SH3TC2: variants seen among roughly 807,000 people sequenced by gnomAD.
The protein encoded by SH3TC2 is SH3 domain and tetratricopeptide repeats 2, also known as SH3 domain and tetratricopeptide repeat-containing protein 2.
SH3TC2 carries 87 observed loss-of-function variants against 124.5 expected under a neutral mutation model. The observed-to-expected ratio is 0.70, with a 90% confidence interval of 0.59 to 0.84. The LOEUF (loss-of-function observed/expected upper bound fraction) is 0.84. Among genes scored for constraint, SH3TC2 ranks in the 40% least tolerant of loss-of-function variants. SH3TC2 has a pLI of 0.00. For synonymous variants in SH3TC2, 634 were observed against 628.5 expected, an observed-to-expected ratio of 1.01 and a Z score of -0.13; for missense variants, 1,536 against 1,566.4, an observed-to-expected ratio of 0.98 and a Z score of 0.33.
intron 9 of SH3TC2, 84 bp from the exon 10 acceptor site, chr5:149,028,802 G>C: frequency 7.1e-7 from 1 of 1,408,722 alleles, no homozygotes; most frequent in Admixed American, 1.7e-5. Flanking sequence ...CAGATCAGTG[G>C]CCTCTTAGGA....
chr5:149,031,918 G>A (rs1251794017), intron 8 of SH3TC2, among the ~76,000 whole-genome samples: 1 of 152,142 alleles, frequency 6.6e-6, no homozygotes, highest in Non-Finnish European at 1.5e-5. Flanking sequence ...TTGTCCAGTA[G>A]GTCAAAGTGG....
At chr5:149,014,976 C>T (rs1440184958) in intron 12 of SH3TC2, among the ~76,000 whole-genome samples, 1 of 152,142 alleles carries the variant, frequency 6.6e-6, no homozygotes, top group Non-Finnish European at 1.5e-5. Context: ...TGCCCTTGGG[C>T]TACTATAGTT....
At chr5:149,007,224 T>TA in intron 15 of SH3TC2, 147 bp from the exon 16 acceptor site, 2 of 738,874 alleles carry the variant, frequency 2.7e-6, no homozygotes, top group Non-Finnish European at 2.4e-6. Context: ...GAGGTGCCTG[T>TA]ACTCATAAAG....
chr5:149,040,644 G>A lies in SH3TC2; in HGVS notation c.765C>T (p.Gly255=). 1 of 1,614,106 alleles carries A rather than the reference G, an allele frequency of 6.2e-7. No individual in the cohort carries two copies. Among genetic ancestry groups the A allele is most frequent in the South Asian group, 1.1e-5 (1 of 91,072 alleles). The change falls in exon 7 of 17, where the codon GGC becomes GGT. Residue 255 remains glycine (G), a synonymous_variant. Coordinates refer to ENST00000515425, the MANE Select transcript of SH3TC2 (RefSeq NM_024577.4). ...WFLKNYPGSC[G]LSRKRDWTGS... is the part of the protein sequence containing the mutation. ...CTGTCCAATCCCTCTTCCTGGAAAG[G>A]CCACAGCTTCCTGGATAATTCTTTA... is the stretch of plus-strand genomic sequence containing the variant.
In SH3TC2 at chr5:148,984,804, C is replaced by A. The variant is rs1206398989; in HGVS notation, c.*19907G>T. ...AGAACTTATACTCAGAAGGAGGCAT[C>A]TGCTTCCTGCTTCACCTTGAAGGTT... On this transcript the variant is annotated 3_prime_UTR_variant, in exon 17 of 17. Transcript: ENST00000515425. Among the ~76,000 whole-genome samples the A allele has an allele frequency of 2.6e-5, 4 of 152,198 alleles. No homozygotes were observed. The highest frequency in any genetic ancestry group is 5.9e-5 in the Non-Finnish European group (4 of 68,038).
chr5:149,019,282 T>C (rs1159247199), intron 12 of SH3TC2, among the ~76,000 whole-genome samples: 1 of 152,154 alleles, frequency 6.6e-6, no homozygotes, highest in Non-Finnish European at 1.5e-5. Flanking sequence ...CTGTAGTTGG[T>C]CTTTGTTCTT....
At position 149,052,176 on chromosome 5, in the gene SH3TC2, C is replaced by A; in HGVS notation, c.117G>T (p.Lys39Asn). ...SSECIASSEYKEKCFLPQNIN... is the reference protein window; with the variant it reads ...SSECIASSEYNEKCFLPQNIN... ...TGTTCTGTGGCAGAAAACATTTTTC[C>A]TTGTATTCAGATGAGGCTATACACT... The change falls in exon 2 of 17, where the codon AAG becomes AAT. Residue 39 changes from lysine to asparagine, a missense_variant. By Grantham distance (94) the Lys-to-Asn change is moderately conservative. Around this residue, in one of 3 missense-constraint regions of SH3TC2, gnomAD observed 1,102 missense variants for 1,098.6 expected, o/e 1.00. Coordinates refer to ENST00000515425, the MANE Select transcript of SH3TC2 (RefSeq NM_024577.4). 1 of 1,613,590 alleles carries A rather than the reference C, an allele frequency of 6.2e-7. No homozygotes were observed. The highest frequency in any genetic ancestry group is 1.1e-5 in the South Asian group (1 of 91,062).
intron 12 of SH3TC2, among the ~76,000 whole-genome samples, chr5:149,014,005 C>T (rs1753828096): frequency 6.6e-6 from 1 of 152,106 alleles, no homozygotes; most frequent in African/African-American, 2.4e-5. Flanking sequence ...TGATCTAGTC[C>T]AATCTTCTTA....
intron 2 of SH3TC2, among the ~76,000 whole-genome samples, chr5:149,051,780 T>G (rs1295976866): frequency 6.6e-6 from 1 of 152,200 alleles, no homozygotes; most frequent in African/African-American, 2.4e-5. Context: ...AAAGATTTTC[T>G]GAGCAGCAAC....
At chr5:149,062,349 G>A (rs752976926) in intron 1 of SH3TC2, 1 of 533,666 alleles carries the variant, frequency 1.9e-6, no homozygotes, top group Non-Finnish European at 3.9e-6. Context: ...GGTTGGCCTG[G>A]AACTGACATA....
At chr5:149,004,948 A>G (rs761238311) in intron 16 of SH3TC2, 46 bp from the exon 17 acceptor site, 2 of 1,606,286 alleles carry the variant, frequency 1.2e-6, no homozygotes, top group Admixed American at 1.7e-5. Flanking sequence ...ATTAGCAAAC[A>G]CTTCCAGGAC....
chr5:149,005,468 G>A (rs1284453237), intron 16 of SH3TC2, among the ~76,000 whole-genome samples: 1 of 152,198 alleles, frequency 6.6e-6, no homozygotes, highest in African/African-American at 2.4e-5. Context: ...CATTCTTTGA[G>A]CCAGTAAGTT....
At chr5:149,013,558 A>G (rs1216087817) in intron 12 of SH3TC2, among the ~76,000 whole-genome samples, 1 of 152,234 alleles carries the variant, frequency 6.6e-6, no homozygotes, top group African/African-American at 2.4e-5. Context: ...CAACAGTGGT[A>G]ACTTTAAATC....
At chr5:149,026,785 C>G in intron 11 of SH3TC2, 33 bp from the exon 12 acceptor site, 1 of 1,614,192 alleles carries the variant, frequency 6.2e-7, no homozygotes, top group Non-Finnish European at 8.5e-7. Context: ...AATGAGATGA[C>G]TTGAGATAGG....
At chr5:149,019,736 C>A (rs1417281509) in intron 12 of SH3TC2, among the ~76,000 whole-genome samples, 1 of 152,154 alleles carries the variant, frequency 6.6e-6, no homozygotes, top group African/African-American at 2.4e-5. Context: ...AATCTTGTTA[C>A]GAAAGTGAGC....
chr5:149,047,337 T>A (rs1219104112), intron 3 of SH3TC2: 1 of 161,322 alleles, frequency 6.2e-6, no homozygotes, highest in East Asian at 1.7e-4. Context: ...AGCTGAGACA[T>A]GGGGATAATG....
Position 149,003,789 on chromosome 5 carries a change from C to T in SH3TC2, c.*922G>A, listed in dbSNP as rs932974232. On this transcript the variant is annotated 3_prime_UTR_variant, in exon 17 of 17. Coordinates refer to ENST00000515425, the MANE Select transcript of SH3TC2 (RefSeq NM_024577.4). ...TCACTTGAGCCCCGGAGTCTGAGGT[C>T]GCAGGAAGCCCTGACTGTACCACTG... 6.9e-6 allele frequency: 3 copies of T among 437,550 alleles called. No homozygotes were observed. Among genetic ancestry groups the T allele is most frequent in the Admixed American group, 2.5e-5 (1 of 40,660 alleles). The allele number at this position is 437,550 out of a possible 1,614,324, so 27.1% of individuals were successfully genotyped here.
chr5:149,025,274 C>G lies in SH3TC2; in HGVS notation c.3053+1298G>C, dbSNP rs75551277. On this transcript the variant is annotated intron_variant, in intron 12 of 16. Transcript: ENST00000515425. ...CAGGAGGTTTGGAGGACACCTGATTCTTACAAGACAGGGAAAGAATGAGGG... is the reference window on the plus strand; with the variant it reads ...CAGGAGGTTTGGAGGACACCTGATTGTTACAAGACAGGGAAAGAATGAGGG... Among the ~76,000 whole-genome samples the G allele has an allele frequency of 1.8e-3, 273 of 152,178 alleles. 1 individual carries two copies. Among genetic ancestry groups the G allele is most frequent in the African/African-American group, 6.4e-3 (264 of 41,506 alleles).
chr5:149,028,203 T>A lies in SH3TC2; in HGVS notation c.1529A>T (p.Tyr510Phe). The change falls in exon 11 of 17, where the codon TAC becomes TTC. Residue 510 changes from tyrosine (Y) to phenylalanine (F), a missense_variant. Physicochemically the swap from Tyr to Phe is conservative, Grantham distance 22. Coordinates refer to ENST00000515425, the MANE Select transcript of SH3TC2 (RefSeq NM_024577.4). ...SFSEEDEFVA[Y>F]LEASRKWAKK... is the part of the protein sequence containing the mutation. ...GGCCCACTTTCTTGATGCCTCCAGGTAGGCCACAAACTCATCCTCCTCAGA... is the reference window on the plus strand; with the variant it reads ...GGCCCACTTTCTTGATGCCTCCAGGAAGGCCACAAACTCATCCTCCTCAGA... The A allele has an allele frequency of 1.2e-6, 2 of 1,614,020 alleles. No homozygotes were observed. The highest frequency in any genetic ancestry group is 4.5e-5 in the East Asian group (2 of 44,866).
Sources: allele counts gnomAD v4.1 joint callset (sites outside exome capture counted in the v4.1 genomes callset), GRCh38; gene constraint gnomAD v4.1.1; regional missense constraint gnomAD v4.1.1; transcripts MANE v1.5; gene names NCBI Gene and HGNC (gene_info 2026-07-23, HGNC 2026-07-21).